Variants in CHD9 observed in about 807,000 individuals in gnomAD.
CHD9 encodes the protein chromodomain helicase DNA binding protein 9.
Under a neutral mutation model 316.1 loss-of-function variants are expected in CHD9, and 77 were observed. That is an observed-to-expected ratio of 0.24 (90% confidence interval 0.20 to 0.29). CHD9 has a LOEUF of 0.29. CHD9 is among the 10% of genes least tolerant of loss of function. The pLI is 1.00. For missense variants in CHD9, 2,763 were observed against 3,438.1 expected, an observed-to-expected ratio of 0.80 and a Z score of 4.91; for synonymous variants, 1,129 against 1,158.3, an observed-to-expected ratio of 0.97 and a Z score of 0.51.
intron 1 of CHD9, among the ~76,000 whole-genome samples, chr16:53,071,735 C>T (rs1488229809): frequency 6.6e-6 from 1 of 152,196 alleles, no homozygotes; most frequent in Non-Finnish European, 1.5e-5. Flanking sequence ...CGGTCCTGCT[C>T]ACCCTGCGGG....
intron 1 of CHD9, among the ~76,000 whole-genome samples, chr16:53,113,185 GAATA>G (rs1484940628): frequency 6.6e-6 from 1 of 152,082 alleles, no homozygotes; most frequent in Admixed American, 6.6e-5. Flanking sequence ...CCTTGTCTCA[GAATA>G]AATAAATAAA....
chr16:53,188,911 T>A (rs2044263459), intron 2 of CHD9, among the ~76,000 whole-genome samples: 3 of 152,058 alleles, frequency 2.0e-5, no homozygotes. Flanking sequence ...GAGAAATGTC[T>A]ATTCAGATCT....
chr16:53,126,332 T>C (rs2038967084), intron 1 of CHD9, among the ~76,000 whole-genome samples: 1 of 152,222 alleles, frequency 6.6e-6, no homozygotes, highest in South Asian at 2.1e-4. Context: ...TTGGCATTCT[T>C]ACTGAAAATC....
intron 1 of CHD9, chr16:53,121,522 G>A (rs1267786938): frequency 2.3e-6 from 1 of 438,476 alleles, no homozygotes; most frequent in Non-Finnish European, 4.6e-6. Flanking sequence ...GCTAAAAGCA[G>A]GGGATAAACT....
Position 53,273,606 on chromosome 16 carries a change from A to T in CHD9, c.4718-20A>T. 1 of 1,524,064 alleles carries T rather than the reference A, an allele frequency of 6.6e-7. No homozygotes were observed. The allele number at this position is 1,524,064 out of a possible 1,614,324, so 94.4% of individuals were successfully genotyped here. Reference sequence around the variant, plus strand: ...TTTTTATACAAATTATTCCTAATTTATATGTCCTTATTTTAACAGGCCTAT... The same window carrying T: ...TTTTTATACAAATTATTCCTAATTTTTATGTCCTTATTTTAACAGGCCTAT... On this transcript the variant is annotated intron_variant, in intron 22 of 38. Transcript: ENST00000447540.
intron 1 of CHD9, among the ~76,000 whole-genome samples, chr16:53,135,124 A>G (rs576395150): frequency 1.3e-5 from 2 of 152,330 alleles, no homozygotes; most frequent in South Asian, 4.1e-4. Context: ...AGAGAAAAAT[A>G]TGTTTGAAGG....
intron 11 of CHD9, among the ~76,000 whole-genome samples, chr16:53,237,929 CTATT>C (rs2048769222): frequency 1.3e-5 from 2 of 151,982 alleles, no homozygotes; most frequent in Admixed American, 1.3e-4. Context: ...CATTGCATGA[CTATT>C]TATTTATTTG....
chr16:53,152,290 A>T (rs1249601951), intron 1 of CHD9, among the ~76,000 whole-genome samples: 1 of 152,148 alleles, frequency 6.6e-6, no homozygotes, highest in Non-Finnish European at 1.5e-5. Context: ...TCTTTTCAGC[A>T]TTCTCTTGGT....
intron 34 of CHD9, among the ~76,000 whole-genome samples, chr16:53,313,752 C>T (rs2056662590): frequency 6.6e-6 from 1 of 151,842 alleles, no homozygotes; most frequent in Non-Finnish European, 1.5e-5. Flanking sequence ...AGATCAAGAC[C>T]ATCCTGGCTA....
Position 53,249,941 on chromosome 16 carries a change from A to C in CHD9, c.3736A>C (p.Lys1246Gln). ...GCAAGCTGCTATAGATAGATTTAGT[A>C]AACCTGATTCAGATAGATTTGTTTT... ...LRQAAIDRFSKPDSDRFVFLL... is the reference protein window; with the variant it reads ...LRQAAIDRFSQPDSDRFVFLL... The change falls in exon 17 of 39, where the codon AAA becomes CAA. Residue 1246 changes from lysine to glutamine, a missense_variant. Physicochemically the swap from Lys to Gln is moderately conservative, Grantham distance 53. This residue lies in a region of CHD9 where 39 missense variants were observed against 40.4 expected (regional missense o/e 0.97). Coordinates refer to ENST00000447540, the MANE Select transcript of CHD9 (RefSeq NM_001308319.2). 2 of 1,613,874 alleles carry C rather than the reference A, an allele frequency of 1.2e-6. No individual in the cohort carries two copies. The highest frequency in any genetic ancestry group is 1.7e-6 in the Non-Finnish European group (2 of 1,179,804).
At chr16:53,254,811 AATGTATTTTCAAG>A in intron 18 of CHD9, 1 of 379,978 alleles carries the variant, frequency 2.6e-6, no homozygotes, top group East Asian at 3.9e-5. Context: ...ATGAATTCTA[AATGTATTTTCAAG>A]ATAGAAATTC....
chr16:53,225,035 T>C (rs910829457), intron 4 of CHD9, among the ~76,000 whole-genome samples: 2 of 152,178 alleles, frequency 1.3e-5, no homozygotes, highest in African/African-American at 2.4e-5. Context: ...TGTTATCTAG[T>C]ACATTTGGCT....
At position 53,115,920 on chromosome 16, in the gene CHD9, C is replaced by T. The variant is rs531018052; in HGVS notation, c.-164-40006C>T. Among the ~76,000 whole-genome samples the T allele has an allele frequency of 6.2e-4, 95 of 152,234 alleles. 1 individual carries two copies. In the South Asian group the frequency reaches 0.017, roughly 28 times the overall value. ...AAGAAGGAGCAGCTGTACCTAGAGC[C>T]AGTGGTAAGGCAGAGGGAAGAGAAG... On this transcript the variant is annotated intron_variant, in intron 1 of 38. Transcript: ENST00000447540.
At chr16:53,234,332 T>G (rs2152931175) in intron 10 of CHD9, among the ~76,000 whole-genome samples, 1 of 152,292 alleles carries the variant, frequency 6.6e-6, no homozygotes, top group Non-Finnish European at 1.5e-5. Context: ...TTTTTCTTGT[T>G]TGATTATACT....
intron 26 of CHD9, 135 bp from the exon 27 acceptor site, chr16:53,287,822 T>C (rs3815548): frequency 0.44 from 294,764 of 670,094 alleles, 67,016 homozygotes; most frequent in South Asian, 0.56. Context: ...TGCTGTGTCT[T>C]GGGCTCTTCT....
At chr16:53,257,510 G>C (rs547856559) in intron 19 of CHD9, among the ~76,000 whole-genome samples, 1 of 152,272 alleles carries the variant, frequency 6.6e-6, no homozygotes, top group South Asian at 2.1e-4. Flanking sequence ...AGACCTACTT[G>C]AATCAATAGG....
intron 15 of CHD9, among the ~76,000 whole-genome samples, chr16:53,246,430 G>A (rs1288286361): frequency 6.6e-6 from 1 of 152,170 alleles, no homozygotes; most frequent in East Asian, 1.9e-4. Flanking sequence ...TTATCCGAAG[G>A]AAGTATGCAT....
chr16:53,148,845 G>A (rs1253887138), intron 1 of CHD9, among the ~76,000 whole-genome samples: 3 of 152,088 alleles, frequency 2.0e-5, no homozygotes, highest in East Asian at 1.9e-4. Flanking sequence ...TGTTTCCTTA[G>A]GGGTACAATT....
chr16:53,111,350 C>T (rs1175747465), intron 1 of CHD9, among the ~76,000 whole-genome samples: 1 of 152,160 alleles, frequency 6.6e-6, no homozygotes, highest in East Asian at 1.9e-4. Flanking sequence ...TTGGGGTTTC[C>T]ACTTTTCTGT....
Sources: gnomAD v4.1 joint callset for allele counts (sites outside exome capture counted in the v4.1 genomes callset) on GRCh38, gnomAD v4.1.1 for gene constraint, gnomAD v4.1.1 regional missense constraint, MANE v1.5 for transcripts, NCBI Gene and HGNC (gene_info 2026-07-23, HGNC 2026-07-21) for gene names.